The following CCDC91 variants were observed in gnomAD, a reference collection of about 807,000 sequenced individuals.
The protein encoded by CCDC91 is coiled-coil domain containing 91, also known as coiled-coil domain-containing protein 91.
Under a neutral mutation model 63.2 loss-of-function variants are expected in CCDC91, and 48 were observed. That is an observed-to-expected ratio of 0.76 (90% CI 0.60 to 0.97). CCDC91 has a LOEUF of 0.97. CCDC91 is among the 50% of genes least tolerant of loss of function. The pLI is 0.00. For synonymous variants in CCDC91, 167 were observed against 165.8 expected (o/e 1.01, Z -0.06); for missense variants, 500 against 494.6 (o/e 1.01, Z -0.10).
At chr12:28,267,886 T>TA (rs1465200653) in intron 3 of CCDC91, among the ~76,000 whole-genome samples, 22 of 68,456 alleles carry the variant, frequency 3.2e-4, no homozygotes, top group South Asian at 8.3e-4. Context: ...TATATAATTA[T>TA]TATAATTATA....
At position 28,402,640 on chromosome 12, in the gene CCDC91, CT is replaced by C. The variant is rs974764692; in HGVS notation, c.762+11236del. ...TCTCAATCCATATACCTTTTATTTC[CT>C]TTTTTTGTATTACTGCATTAGCTAG... On this transcript the variant is annotated intron_variant, in intron 8 of 12. Transcript: ENST00000536442. 1.4e-4 allele frequency among the ~76,000 whole-genome samples: 21 copies of C among 146,500 alleles called. 1 individual carries two copies. The highest frequency in any genetic ancestry group is 3.3e-4 in the African/African-American group (13 of 39,922).
intron 7 of CCDC91, among the ~76,000 whole-genome samples, chr12:28,388,456 T>TA (rs1421205097): frequency 1.3e-4 from 20 of 152,172 alleles, no homozygotes; most frequent in Admixed American, 1.3e-3. Context: ...AGCTCTGTCA[T>TA]ACGCCAACAG....
intron 1 of CCDC91, among the ~76,000 whole-genome samples, chr12:28,194,631 C>T (rs947218385): frequency 8.5e-5 from 13 of 152,098 alleles, no homozygotes; most frequent in African/African-American, 1.9e-4. Flanking sequence ...AAGCTGCATC[C>T]GAAATTGTTC....
At chr12:28,465,505 A>G (rs1950508213) in intron 11 of CCDC91, among the ~76,000 whole-genome samples, 1 of 152,200 alleles carries the variant, frequency 6.6e-6, no homozygotes, top group African/African-American at 2.4e-5. Flanking sequence ...GGGAGAAACT[A>G]AGGAATGAGA....
intron 12 of CCDC91, among the ~76,000 whole-genome samples, chr12:28,499,437 A>G (rs969825133): frequency 6.6e-6 from 1 of 151,796 alleles, no homozygotes; most frequent in Non-Finnish European, 1.5e-5. Flanking sequence ...TACATGTGCC[A>G]TAGTGGTTTG....
chr12:28,406,885 C>G (rs1489809364), intron 8 of CCDC91, among the ~76,000 whole-genome samples: 1 of 150,540 alleles, frequency 6.6e-6, no homozygotes, highest in African/African-American at 2.4e-5. Context: ...CAGTGGATTT[C>G]TTTTGTACAT....
intron 8 of CCDC91, among the ~76,000 whole-genome samples, chr12:28,427,365 G>A (rs1948377968): frequency 6.6e-6 from 1 of 152,096 alleles, no homozygotes; most frequent in Admixed American, 6.6e-5. Context: ...ATTTCATAAT[G>A]GTTACACTTC....
intron 1 of CCDC91, among the ~76,000 whole-genome samples, chr12:28,218,699 T>TGTG (rs1943729476): frequency 6.8e-6 from 1 of 146,528 alleles, no homozygotes; most frequent in East Asian, 2.0e-4. Context: ...TTGCAGATGT[T>TGTG]TGTGTGTGTG....
At chr12:28,387,197 G>A (rs1374326716) in intron 7 of CCDC91, among the ~76,000 whole-genome samples, 1 of 152,026 alleles carries the variant, frequency 6.6e-6, no homozygotes, top group Non-Finnish European at 1.5e-5. Context: ...CTAATAGTAG[G>A]GACAGTTTTG....
At chr12:28,299,022 C>G (rs2136956524) in intron 3 of CCDC91, among the ~76,000 whole-genome samples, 1 of 151,696 alleles carries the variant, frequency 6.6e-6, no homozygotes, top group East Asian at 1.9e-4. Context: ...TGAACAGTAA[C>G]TGGTGGAAAC....
chr12:28,271,160 C>T (rs954156486), intron 3 of CCDC91, among the ~76,000 whole-genome samples: 6 of 151,984 alleles, frequency 3.9e-5, no homozygotes, highest in Non-Finnish European at 7.4e-5. Flanking sequence ...GCAAGGCAAA[C>T]GCCTATGATG....
intron 12 of CCDC91, among the ~76,000 whole-genome samples, chr12:28,534,220 T>C (rs1941972362): frequency 1.3e-5 from 2 of 152,304 alleles, no homozygotes; most frequent in South Asian, 4.1e-4. Context: ...CTAAGAATAA[T>C]GATCATAATT....
At chr12:28,427,672 T>G (rs1281915643) in intron 8 of CCDC91, among the ~76,000 whole-genome samples, 1 of 152,188 alleles carries the variant, frequency 6.6e-6, no homozygotes, top group East Asian at 1.9e-4. Context: ...TTCACTAGAT[T>G]TGCATATTTC....
chr12:28,426,989 A>T (rs1203648577), intron 8 of CCDC91, among the ~76,000 whole-genome samples: 1 of 152,148 alleles, frequency 6.6e-6, no homozygotes, highest in Non-Finnish European at 1.5e-5. Context: ...AGAGGGTTCA[A>T]GTTCCTTAAG....
intron 11 of CCDC91, among the ~76,000 whole-genome samples, chr12:28,475,811 C>T (rs1460670298): frequency 6.6e-6 from 1 of 151,868 alleles, no homozygotes; most frequent in Non-Finnish European, 1.5e-5. Context: ...ATGAGGCAAA[C>T]CATGAATCAA....
chr12:28,229,013 C>T (rs569973958), intron 1 of CCDC91, among the ~76,000 whole-genome samples: 4 of 152,164 alleles, frequency 2.6e-5, no homozygotes, highest in Admixed American at 6.5e-5. Context: ...GTATTGTAGT[C>T]TTTTCTTCTT....
chr12:28,315,755 A>C (rs1044133095), intron 6 of CCDC91, among the ~76,000 whole-genome samples: 1 of 151,786 alleles, frequency 6.6e-6, no homozygotes, highest in African/African-American at 2.4e-5. Flanking sequence ...TCTACACCTC[A>C]TCCTCTGCTA....
intron 12 of CCDC91, among the ~76,000 whole-genome samples, chr12:28,485,798 C>T: frequency 6.6e-6 from 1 of 152,186 alleles, no homozygotes; most frequent in Middle Eastern, 3.4e-3. Context: ...TCCATATGTA[C>T]CTACAAAGAG....
At position 28,538,718 on chromosome 12, in the gene CCDC91, C is replaced by A. The variant is rs1394942435; in HGVS notation, c.1216-10345C>A. On this transcript the variant is annotated intron_variant, in intron 12 of 12. Coordinates refer to ENST00000536442, the MANE Select transcript of CCDC91 (RefSeq NM_018318.5). ...CAATGGTTGAACTAGTTTACAGTCC[C>A]ACCAACAGTGTAAAAGTATTCCTAT... Among the ~76,000 whole-genome samples the A allele has an allele frequency of 5.9e-5, 9 of 152,118 alleles. No homozygotes were observed. The East Asian group carries it at 1.7e-3, about 29-fold the overall frequency.
Sources: allele counts gnomAD v4.1 joint callset (sites outside exome capture counted in the v4.1 genomes callset), GRCh38; gene constraint gnomAD v4.1.1; transcripts MANE v1.5; gene names NCBI Gene and HGNC (gene_info 2026-07-23, HGNC 2026-07-21).